CTNNA3: variants seen among roughly 807,000 people sequenced by gnomAD.
CTNNA3 encodes the protein catenin alpha 3.
In CTNNA3, 76 loss-of-function variants were observed where a neutral mutation model predicts 95.7. That is an observed-to-expected ratio of 0.79 (90% CI 0.66 to 0.96). The LOEUF (loss-of-function observed/expected upper bound fraction) is 0.96. Ranked by LOEUF, CTNNA3 falls within the 40% of genes least tolerant of loss-of-function variation. CTNNA3 has a pLI of 0.00. For synonymous variants in CTNNA3, 431 were observed against 374.4 expected (o/e 1.15, Z -1.74); for missense variants, 1,191 against 1,089.8 (o/e 1.09, Z -1.31).
At chr10:67,181,789 A>T (rs1298170658) in intron 6 of CTNNA3, among the ~76,000 whole-genome samples, 1 of 152,128 alleles carries the variant, frequency 6.6e-6, no homozygotes, top group East Asian at 1.9e-4. Flanking sequence ...TGCAGAGTCA[A>T]GCTAGGAAGA....
At chr10:67,340,949 C>T (rs1297792159) in intron 5 of CTNNA3, among the ~76,000 whole-genome samples, 1 of 152,058 alleles carries the variant, frequency 6.6e-6, no homozygotes, top group East Asian at 1.9e-4. Flanking sequence ...GAAGCGTAAA[C>T]AGAGTAAACA....
chr10:66,133,172 C>A (rs1033401401), intron 13 of CTNNA3, among the ~76,000 whole-genome samples: 2 of 151,770 alleles, frequency 1.3e-5, no homozygotes, highest in African/African-American at 2.4e-5. Flanking sequence ...TAGTTGAATC[C>A]TATCCTAATA....
intron 15 of CTNNA3, among the ~76,000 whole-genome samples, chr10:66,054,830 T>A (rs909814690): frequency 3.9e-5 from 6 of 152,194 alleles, no homozygotes; most frequent in Non-Finnish European, 8.8e-5. Flanking sequence ...TTTTCCCCAA[T>A]GTTTTCTTCT....
intron 1 of CTNNA3, among the ~76,000 whole-genome samples, chr10:67,671,575 G>A (rs941030585): frequency 6.7e-6 from 1 of 149,576 alleles, no homozygotes; most frequent in African/African-American, 2.5e-5. Context: ...TGTTCTCATT[G>A]TTCAATTCCC....
At chr10:66,949,418 C>T (rs547606119) in intron 7 of CTNNA3, among the ~76,000 whole-genome samples, 18 of 152,116 alleles carry the variant, frequency 1.2e-4, no homozygotes, top group African/African-American at 3.1e-4. Context: ...ATTAGCCTGG[C>T]GTGTTGGCAT....
chr10:66,836,810 C>T (rs1842901619), intron 7 of CTNNA3, among the ~76,000 whole-genome samples: 1 of 152,112 alleles, frequency 6.6e-6, no homozygotes, highest in South Asian at 2.1e-4. Flanking sequence ...CTCTACTAAA[C>T]TATTCTGCAT....
At chr10:66,338,708 G>A (rs147161473) in intron 12 of CTNNA3, among the ~76,000 whole-genome samples, 1 of 151,938 alleles carries the variant, frequency 6.6e-6, no homozygotes, top group Non-Finnish European at 1.5e-5. Context: ...GTTGTTAACT[G>A]TGATTTCACA....
chr10:67,375,572 C>T (rs1843656332), intron 5 of CTNNA3, among the ~76,000 whole-genome samples: 1 of 151,880 alleles, frequency 6.6e-6, no homozygotes, highest in Non-Finnish European at 1.5e-5. Context: ...AAGAGCACTC[C>T]ACCCTGGGCA....
intron 10 of CTNNA3, among the ~76,000 whole-genome samples, chr10:66,572,741 T>C (rs1308387311): frequency 6.6e-6 from 1 of 152,122 alleles, no homozygotes; most frequent in African/African-American, 2.4e-5. Context: ...TTTAAAAGAA[T>C]CCATCAGTCT....
chr10:67,511,424 A>C (rs1564704438), intron 5 of CTNNA3, among the ~76,000 whole-genome samples: 1 of 152,172 alleles, frequency 6.6e-6, no homozygotes, highest in Non-Finnish European at 1.5e-5. Flanking sequence ...AATTTTGTTG[A>C]AGGCCTTTTC....
chr10:66,895,754 A>G (rs987202316), intron 7 of CTNNA3, among the ~76,000 whole-genome samples: 2 of 152,094 alleles, frequency 1.3e-5, no homozygotes, highest in African/African-American at 2.4e-5. Flanking sequence ...CACATAAAGC[A>G]CTAGAACAGT....
At chr10:66,044,546 C>T (rs768904506) in intron 15 of CTNNA3, among the ~76,000 whole-genome samples, 5 of 152,054 alleles carry the variant, frequency 3.3e-5, no homozygotes, top group African/African-American at 9.7e-5. Flanking sequence ...AATATTATCC[C>T]GCCATGAATT....
chr10:66,373,497 T>A (rs983165957), intron 12 of CTNNA3, among the ~76,000 whole-genome samples: 3 of 152,088 alleles, frequency 2.0e-5, no homozygotes, highest in African/African-American at 7.2e-5. Context: ...TGAGTTGTAA[T>A]TTAATTTCCA....
At chr10:67,725,768 A>C (rs1841206856) in intron 1 of CTNNA3, among the ~76,000 whole-genome samples, 1 of 151,224 alleles carries the variant, frequency 6.6e-6, no homozygotes, top group Non-Finnish European at 1.5e-5. Context: ...GAAAAGGCAA[A>C]AGGCTTAAGA....
At chr10:67,568,455 GTA>G (rs567547887) in intron 3 of CTNNA3, among the ~76,000 whole-genome samples, 44 of 132,278 alleles carry the variant, frequency 3.3e-4, no homozygotes, top group South Asian at 1.0e-3. Context: ...GATTGTTCCA[GTA>G]TATATATATG....
In CTNNA3 at chr10:65,920,486, T is replaced by G; in HGVS notation, c.2532A>C (p.Pro844=). 6.2e-7 allele frequency: 1 copy of G among 1,614,140 alleles called. No homozygotes were observed. Among genetic ancestry groups the G allele is most frequent in the Non-Finnish European group, 8.5e-7 (1 of 1,180,026 alleles). The change falls in exon 18 of 18, where the codon CCA becomes CCC. Residue 844 remains proline (P), a synonymous_variant. Transcript: ENST00000433211. The stretch of plus-strand genomic sequence containing the variant: ...GAGCCTTCATTCTCCACATCACAAC[T>G]GGGTGCCGGGGCCCAGCAGGACTCT... The part of the protein sequence containing the change: ...RIQSPAGPRH[P]VVMWRMKAPA...
At chr10:66,885,711 A>G (rs955622658) in intron 7 of CTNNA3, among the ~76,000 whole-genome samples, 1 of 152,212 alleles carries the variant, frequency 6.6e-6, no homozygotes, top group African/African-American at 2.4e-5. Context: ...CATTCAGTAC[A>G]TATCTTAAAA....
At chr10:67,755,802 C>CAAAAAAAAAAAAAA (rs201336788) in intron 1 of CTNNA3, among the ~76,000 whole-genome samples, 2 of 58,738 alleles carry the variant, frequency 3.4e-5, no homozygotes, top group African/African-American at 1.2e-4. Flanking sequence ...GTCTCTGCCT[C>CAAAAAAAAAAAAAA]AAAAAAAAAA....
intron 16 of CTNNA3, among the ~76,000 whole-genome samples, chr10:65,986,448 G>A (rs150608620): frequency 1.1e-3 from 169 of 150,910 alleles, no homozygotes; most frequent in Non-Finnish European, 1.4e-3. Flanking sequence ...AAAGAAATCA[G>A]GCAAGCAATC....
Sources: allele counts gnomAD v4.1 joint callset (sites outside exome capture counted in the v4.1 genomes callset), GRCh38; gene constraint gnomAD v4.1.1; transcripts MANE v1.5; gene names NCBI Gene and HGNC (gene_info 2026-07-23, HGNC 2026-07-21).